Variants in CACNG2 observed in about 807,000 individuals in gnomAD.
CACNG2 encodes voltage-dependent calcium channel gamma-2 subunit.
Under a neutral mutation model 25.9 loss-of-function variants are expected in CACNG2, and 3 were observed. The ratio of observed to expected loss-of-function variants is 0.12; its 90% confidence interval spans 0.05 to 0.30. The LOEUF (loss-of-function observed/expected upper bound fraction) is 0.30. Among genes scored for constraint, CACNG2 ranks in the 10% least tolerant of loss-of-function variants. The pLI, the probability that CACNG2 is intolerant of heterozygous loss-of-function variation, is 1.00. For synonymous variants in CACNG2, 167 were observed against 173.3 expected (o/e 0.96, Z 0.29); for missense variants, 341 against 432.5 (o/e 0.79, Z 1.88).
intron 1 of CACNG2, among the ~76,000 whole-genome samples, chr22:36,686,360 G>A (rs561764049): frequency 7.9e-5 from 12 of 152,348 alleles, no homozygotes; most frequent in African/African-American, 2.2e-4. Flanking sequence ...TCTTGGTGCT[G>A]TTTCAGGCTT....
intron 1 of CACNG2, among the ~76,000 whole-genome samples, chr22:36,593,839 C>T (rs902461316): frequency 6.6e-6 from 1 of 151,780 alleles, no homozygotes; most frequent in Admixed American, 6.6e-5. Context: ...GCTCGGTGGG[C>T]CCTGGATTCA....
intron 1 of CACNG2, among the ~76,000 whole-genome samples, chr22:36,588,020 C>T (rs1935532105): frequency 6.6e-6 from 1 of 152,234 alleles, no homozygotes; most frequent in Non-Finnish European, 1.5e-5. Flanking sequence ...GAAGAGCCTG[C>T]AAAACACTTT....
intron 1 of CACNG2, among the ~76,000 whole-genome samples, chr22:36,667,942 TCAC>T (rs1936896160): frequency 6.6e-6 from 1 of 152,224 alleles, no homozygotes. Flanking sequence ...AGGATAATGT[TCAC>T]CACCACCATC....
chr22:36,681,428 T>A (rs1485987970), intron 1 of CACNG2, among the ~76,000 whole-genome samples: 1 of 152,228 alleles, frequency 6.6e-6, no homozygotes, highest in Non-Finnish European at 1.5e-5. Flanking sequence ...GGAATTTGAA[T>A]CTTTGTCAGC....
chr22:36,672,801 T>A (rs1936970235), intron 1 of CACNG2, among the ~76,000 whole-genome samples: 1 of 152,246 alleles, frequency 6.6e-6, no homozygotes, highest in Non-Finnish European at 1.5e-5. Flanking sequence ...ACATGCCAGC[T>A]GATTTGTGCA....
At chr22:36,608,022 G>T (rs556126642) in intron 1 of CACNG2, among the ~76,000 whole-genome samples, 1 of 152,184 alleles carries the variant, frequency 6.6e-6, no homozygotes, top group South Asian at 2.1e-4. Context: ...TTTGCACCTT[G>T]CTTGCTTTAC....
chr22:36,694,486 C>T (rs1193041904), intron 1 of CACNG2, among the ~76,000 whole-genome samples: 1 of 152,136 alleles, frequency 6.6e-6, no homozygotes, highest in Non-Finnish European at 1.5e-5. Context: ...TCTCTTATTC[C>T]TATTTTCAAA....
rs138401966 is a variant in CACNG2 at position 36,587,035 on chromosome 22, A to G, written c.295+430T>C. Among the ~76,000 whole-genome samples, 10 of 151,592 alleles carry G rather than the reference A, an allele frequency of 6.6e-5. No homozygotes were observed. The East Asian group carries it at 1.7e-3, about 27-fold the overall frequency. Reference sequence around the variant, plus strand: ...TCATCCAATTATTCAAGAAATATTCACTGAGTGCTTATCACATGCCAAGCA... The same window carrying G: ...TCATCCAATTATTCAAGAAATATTCGCTGAGTGCTTATCACATGCCAAGCA... On this transcript the variant is annotated intron_variant, in intron 2 of 3. Transcript: ENST00000300105.
At position 36,564,988 on chromosome 22, in the gene CACNG2, G is replaced by T; in HGVS notation, c.437-102C>A. On this transcript the variant is annotated intron_variant, in intron 3 of 3. Coordinates refer to ENST00000300105, the MANE Select transcript of CACNG2 (RefSeq NM_006078.5). This position sits in a 1 kb window ranked among gnomAD's most constrained non-coding sequence, Gnocchi z 6.7. ...CCGTAAAGGACGGGGACAGCTGTGT[G>T]GGCCTTCCCCGGTCCCGCGCCTTCA... 1 of 1,063,538 alleles carries T rather than the reference G, an allele frequency of 9.4e-7. No individual in the cohort carries two copies. 65.9% of individuals were successfully genotyped at this position (1,063,538 alleles called of 1,614,324 possible).
chr22:36,654,075 A>G (rs943018726), intron 1 of CACNG2, among the ~76,000 whole-genome samples: 1 of 151,802 alleles, frequency 6.6e-6, no homozygotes, highest in African/African-American at 2.4e-5. Context: ...TCAGAACAAA[A>G]AAAGGAACAC....
At chr22:36,666,947 C>T (rs1487325078) in intron 1 of CACNG2, among the ~76,000 whole-genome samples, 1 of 151,952 alleles carries the variant, frequency 6.6e-6, no homozygotes, top group Admixed American at 6.6e-5. Context: ...GCAAGAACTG[C>T]TTCCCCGCCA....
At position 36,571,791 on chromosome 22, in the gene CACNG2, C is replaced by T. The variant is rs60740837; in HGVS notation, c.296-5298G>A. 3.9e-3 allele frequency among the ~76,000 whole-genome samples: 595 copies of T among 151,490 alleles called. 10 individuals carry two copies. The highest frequency in any genetic ancestry group is 0.038 in the East Asian group (195 of 5,136). On this transcript the variant is annotated intron_variant, in intron 2 of 3. Coordinates refer to ENST00000300105, the MANE Select transcript of CACNG2 (RefSeq NM_006078.5). ...ACTTGGGGGGCTGAGGCAGGAGAAT[C>T]GCTTGAACGCGGGAGGCAGAGGTTG...
intron 1 of CACNG2, among the ~76,000 whole-genome samples, chr22:36,651,610 C>T (rs1309123317): frequency 6.6e-6 from 1 of 152,158 alleles, no homozygotes; most frequent in African/African-American, 2.4e-5. Context: ...ATCCTAGAAA[C>T]ATGCTATATA....
chr22:36,607,961 G>A (rs1415316644), intron 1 of CACNG2, among the ~76,000 whole-genome samples: 1 of 152,170 alleles, frequency 6.6e-6, no homozygotes, highest in African/African-American at 2.4e-5. Flanking sequence ...CCGAGACTAG[G>A]GTGAGACATC....
chr22:36,700,438 C>A (rs1375985018), intron 1 of CACNG2, among the ~76,000 whole-genome samples: 4 of 152,318 alleles, frequency 2.6e-5, no homozygotes, highest in African/African-American at 7.2e-5. Context: ...CCAACCCACC[C>A]ATTTCTGGGT....
intron 2 of CACNG2, among the ~76,000 whole-genome samples, chr22:36,579,705 G>A (rs1333286404): frequency 6.6e-6 from 1 of 152,108 alleles, no homozygotes; most frequent in South Asian, 2.1e-4. Flanking sequence ...CCTTCCCCTC[G>A]TCTGCTTATC....
chr22:36,601,630 G>A (rs189963093), intron 1 of CACNG2, among the ~76,000 whole-genome samples: 26 of 152,012 alleles, frequency 1.7e-4, no homozygotes, highest in Admixed American at 9.2e-4. Context: ...AATTACAGGC[G>A]CCTGCCACTA....
At chr22:36,596,732 T>C (rs112958951) in intron 1 of CACNG2, among the ~76,000 whole-genome samples, 3,911 of 152,250 alleles carry the variant, frequency 0.026, 128 homozygotes, top group Admixed American at 0.085. Flanking sequence ...TTGCATCCTG[T>C]CCTGGCTCTT....
chr22:36,701,364 T>A (rs1160220052), intron 1 of CACNG2, among the ~76,000 whole-genome samples: 1 of 152,144 alleles, frequency 6.6e-6, no homozygotes, highest in Non-Finnish European at 1.5e-5. Context: ...AGTTTTTTTT[T>A]CTGTGCTTAT....
Sources: allele counts gnomAD v4.1 joint callset (sites outside exome capture counted in the v4.1 genomes callset), GRCh38; gene constraint gnomAD v4.1.1; non-coding constraint Gnocchi (gnomAD v3.1); transcripts MANE v1.5; gene names NCBI Gene and HGNC (gene_info 2026-07-23, HGNC 2026-07-21).